Variants in KPNA1 observed in about 807,000 individuals in gnomAD.
The protein encoded by KPNA1 is importin subunit alpha-5.
Under a neutral mutation model 70.5 loss-of-function variants are expected in KPNA1, and 10 were observed. The ratio of observed to expected loss-of-function variants is 0.14; its 90% CI spans 0.09 to 0.24. KPNA1 has a LOEUF of 0.24. Among genes scored for constraint, KPNA1 ranks in the 10% least tolerant of loss-of-function variants. KPNA1 has a pLI of 1.00. For synonymous variants in KPNA1, 192 were observed against 221.9 expected (o/e 0.87, Z 1.20); for missense variants, 397 against 637.9 (o/e 0.62, Z 4.07).
chr3:122,466,286 A>G (rs1238086893), intron 3 of KPNA1, among the ~76,000 whole-genome samples: 2 of 152,164 alleles, frequency 1.3e-5, no homozygotes, highest in Non-Finnish European at 2.9e-5. Flanking sequence ...TTTAATATAC[A>G]AAAGTTCTCA....
intron 9 of KPNA1, among the ~76,000 whole-genome samples, chr3:122,448,827 T>G (rs1192953640): frequency 2.0e-5 from 3 of 152,192 alleles, no homozygotes; most frequent in Non-Finnish European, 4.4e-5. Context: ...CTTCCCAGAT[T>G]TTGAATGATG....
intron 5 of KPNA1, among the ~76,000 whole-genome samples, chr3:122,454,524 T>C (rs2076244835): frequency 6.6e-6 from 1 of 152,244 alleles, no homozygotes; most frequent in African/African-American, 2.4e-5. Flanking sequence ...GCCTGTACCA[T>C]GTATGTTATC....
intron 10 of KPNA1, among the ~76,000 whole-genome samples, chr3:122,438,788 A>G (rs1246244477): frequency 2.0e-5 from 3 of 152,260 alleles, no homozygotes; most frequent in African/African-American, 7.2e-5. Context: ...AAGAAATCAT[A>G]AAGCAGAATA....
At chr3:122,445,644 T>C (rs2076127194) in intron 9 of KPNA1, among the ~76,000 whole-genome samples, 1 of 152,186 alleles carries the variant, frequency 6.6e-6, no homozygotes, top group Non-Finnish European at 1.5e-5. Context: ...AACATCATAA[T>C]GATAAAATGA....
At position 122,426,726 on chromosome 3, in the gene KPNA1, ATC is replaced by A; in HGVS notation, c.*257_*258del. On this transcript the variant is annotated 3_prime_UTR_variant, in exon 14 of 14. Transcript: ENST00000344337. ...TCCCATAACTCTAATGTAAGTGCGGATCTCCAAAGCCTAGGGATTTTTCCGTA... is the reference window on the plus strand; with the variant it reads ...TCCCATAACTCTAATGTAAGTGCGGATCCAAAGCCTAGGGATTTTTCCGTA... 2.7e-6 allele frequency: 1 copy of A among 375,858 alleles called. No individual in the cohort carries two copies. Among genetic ancestry groups the A allele is most frequent in the Non-Finnish European group, 4.8e-6 (1 of 209,130 alleles). 23.3% of individuals were successfully genotyped at this position (375,858 alleles called of 1,614,324 possible). A position where few individuals can be genotyped will look rare whatever the true frequency, so the allele number is the denominator to read the frequency against.
At chr3:122,460,307 G>C (rs1319529157) in intron 5 of KPNA1, 5 of 984,970 alleles carry the variant, frequency 5.1e-6, no homozygotes, top group Non-Finnish European at 6.0e-6. Context: ...TCTAGGATGA[G>C]AGTCAGCTGA....
intron 1 of KPNA1, among the ~76,000 whole-genome samples, chr3:122,508,073 G>T (rs992597508): frequency 4.7e-5 from 6 of 126,918 alleles, no homozygotes; most frequent in African/African-American, 1.3e-4. Context: ...AGAAAACAAA[G>T]AGTTTATGTA....
chr3:122,505,042 C>T (rs1441750474), intron 1 of KPNA1, among the ~76,000 whole-genome samples: 1 of 151,874 alleles, frequency 6.6e-6, no homozygotes, highest in African/African-American at 2.4e-5. Flanking sequence ...TGGCTCACAC[C>T]AGTAATCCCA....
rs755677909 is a variant in KPNA1 at position 122,426,297 on chromosome 3, A to G, written c.*688T>C. Reference sequence around the variant, plus strand: ...AAGGGAATCTACAAACCAGTATCACATTTAGGAGTCAAAGTGTTAATTCTT... The same window carrying G: ...AAGGGAATCTACAAACCAGTATCACGTTTAGGAGTCAAAGTGTTAATTCTT... On this transcript the variant is annotated 3_prime_UTR_variant, in exon 14 of 14. Transcript: ENST00000344337. 6.6e-6 allele frequency: 1 copy of G among 152,612 alleles called. No individual in the cohort carries two copies. Among genetic ancestry groups the G allele is most frequent in the African/African-American group, 2.4e-5 (1 of 41,436 alleles). The allele number at this position is 152,612 out of a possible 1,614,324, so 9.5% of individuals were successfully genotyped here.
intron 7 of KPNA1, 112 bp from the exon 8 acceptor site, chr3:122,451,745 TC>T: frequency 1.3e-6 from 1 of 761,282 alleles, no homozygotes; most frequent in Non-Finnish European, 2.1e-6. Flanking sequence ...ATAGCTTTTC[TC>T]CAGAACATTA....
In KPNA1 at chr3:122,442,062, G is replaced by A. The variant is rs1364107814; in HGVS notation, c.972C>T (p.Val324=). 3 of 1,613,794 alleles carry A rather than the reference G, an allele frequency of 1.9e-6. No individual in the cohort carries two copies. Among genetic ancestry groups the A allele is most frequent in the African/African-American group, 1.3e-5 (1 of 75,012 alleles). The part of the protein sequence containing the change: ...SPALRAVGNI[V]TGDDIQTQVI... Reference sequence around the variant, plus strand: ...CCTGTGTCTGAATATCATCCCCTGTGACAATGTTTCCCACAGCTCGCAAAG... The same window carrying A: ...CCTGTGTCTGAATATCATCCCCTGTAACAATGTTTCCCACAGCTCGCAAAG... The change falls in exon 10 of 14, where the codon GTC becomes GTT. Residue 324 remains valine, a synonymous_variant. Coordinates refer to ENST00000344337, the MANE Select transcript of KPNA1 (RefSeq NM_002264.4).
At chr3:122,465,024 A>T (rs1252461440) in intron 3 of KPNA1, among the ~76,000 whole-genome samples, 1 of 152,244 alleles carries the variant, frequency 6.6e-6, no homozygotes, top group Non-Finnish European at 1.5e-5. Flanking sequence ...ACATTCATAT[A>T]TATATATACA....
rs117701218 is a variant in KPNA1, at chr3:122,457,378, G to C, written c.433-3377C>G. Among the ~76,000 whole-genome samples the C allele has an allele frequency of 1.6e-3, 211 of 134,726 alleles. 3 individuals carry two copies. In the East Asian group the frequency reaches 0.043, roughly 28 times the overall value. 88.4% of individuals were successfully genotyped at this position (134,726 alleles called of 152,430 possible). A position where few individuals can be genotyped will look rare whatever the true frequency, so the allele number is the denominator to read the frequency against. Reference sequence around the variant, plus strand: ...TTAAAGTAAGCAACCCTGTTACCAGGAAATCATTAACCTGGGAAAAAAAAA... The same window carrying C: ...TTAAAGTAAGCAACCCTGTTACCAGCAAATCATTAACCTGGGAAAAAAAAA... On this transcript the variant is annotated intron_variant, in intron 5 of 13. Transcript: ENST00000344337.
At chr3:122,436,493 G>T (rs1276539728) in intron 11 of KPNA1, among the ~76,000 whole-genome samples, 1 of 152,192 alleles carries the variant, frequency 6.6e-6, no homozygotes, top group Non-Finnish European at 1.5e-5. Context: ...CCCCCAGACA[G>T]CCAGCTTTAA....
At chr3:122,427,266 T>C in intron 13 of KPNA1, 94 bp from the exon 14 acceptor site, 1 of 934,630 alleles carries the variant, frequency 1.1e-6, no homozygotes, top group South Asian at 1.7e-5. Context: ...TTTTGTCATA[T>C]ATCTCTGTTC....
At chr3:122,492,617 C>T (rs1264244497) in intron 2 of KPNA1, among the ~76,000 whole-genome samples, 1 of 152,162 alleles carries the variant, frequency 6.6e-6, no homozygotes, top group Non-Finnish European at 1.5e-5. Flanking sequence ...TTTGAATTAG[C>T]CACATATTAA....
chr3:122,440,481 C>T (rs903687811), intron 10 of KPNA1, among the ~76,000 whole-genome samples: 1 of 152,124 alleles, frequency 6.6e-6, no homozygotes, highest in Non-Finnish European at 1.5e-5. Flanking sequence ...ATGGCAAAAG[C>T]ATACAGCATA....
At chr3:122,437,096 T>A in intron 11 of KPNA1, 74 bp downstream of exon 11, 1 of 1,507,812 alleles carries the variant, frequency 6.6e-7, no homozygotes, top group Non-Finnish European at 9.1e-7. Flanking sequence ...AAATGTGTTT[T>A]AAAGGGTGAC....
chr3:122,426,849 G>T lies in KPNA1; in HGVS notation c.*136C>A, dbSNP rs1009501844. 3 of 643,848 alleles carry T rather than the reference G, an allele frequency of 4.7e-6. No homozygotes were observed. The highest frequency in any genetic ancestry group is 7.9e-6 in the Non-Finnish European group (3 of 381,956). The allele number at this position is 643,848 out of a possible 1,614,324, so 39.9% of individuals were successfully genotyped here. ...CAGATGTGTGTAAGAGAGCAGGTGCGCAAGGCAAGCAAATGAGCGCAAACA... is the reference window on the plus strand; with the variant it reads ...CAGATGTGTGTAAGAGAGCAGGTGCTCAAGGCAAGCAAATGAGCGCAAACA... On this transcript the variant is annotated 3_prime_UTR_variant, in exon 14 of 14. Transcript: ENST00000344337.
Sources: allele counts gnomAD v4.1 joint callset (sites outside exome capture counted in the v4.1 genomes callset), GRCh38; gene constraint gnomAD v4.1.1; transcripts MANE v1.5; gene names NCBI Gene and HGNC (gene_info 2026-07-23, HGNC 2026-07-21).